MYO9A: variants seen among roughly 807,000 people sequenced by gnomAD.
MYO9A encodes the protein unconventional myosin-IXa.
In MYO9A, 103 loss-of-function variants were observed where a neutral mutation model predicts 293.3. That is an observed-to-expected ratio of 0.35 (90% CI 0.30 to 0.41). MYO9A has a LOEUF of 0.41. Among genes scored for constraint, MYO9A ranks in the 10% least tolerant of loss-of-function variants. MYO9A has a pLI of 1.00. For synonymous variants in MYO9A, 1,001 were observed against 1,035.7 expected, an observed-to-expected ratio of 0.97 and a Z score of 0.64; for missense variants, 2,685 against 3,033.0, an observed-to-expected ratio of 0.89 and a Z score of 2.69.
At chr15:72,052,968 A>G (rs2078611419) in intron 1 of MYO9A, among the ~76,000 whole-genome samples, 1 of 139,644 alleles carries the variant, frequency 7.2e-6, no homozygotes, top group Admixed American at 6.8e-5. Flanking sequence ...CCAGCCTGAA[A>G]AGTATCACCC....
At chr15:72,061,132 A>G (rs911136042) in intron 1 of MYO9A, among the ~76,000 whole-genome samples, 2 of 151,906 alleles carry the variant, frequency 1.3e-5, no homozygotes, top group Non-Finnish European at 2.9e-5. Flanking sequence ...GGATTTATCA[A>G]CTGCTGCCTA....
At chr15:72,031,128 A>T (rs1596421956) in intron 3 of MYO9A, among the ~76,000 whole-genome samples, 1 of 152,092 alleles carries the variant, frequency 6.6e-6, no homozygotes, top group South Asian at 2.1e-4. Flanking sequence ...TCATTCCAAA[A>T]CCATTCCTCC....
At chr15:71,963,217 G>A (rs958718588) in intron 13 of MYO9A, among the ~76,000 whole-genome samples, 1 of 152,036 alleles carries the variant, frequency 6.6e-6, no homozygotes, top group African/African-American at 2.4e-5. Context: ...CCAAGTAGCT[G>A]GGACTACAGG....
At chr15:71,851,414 C>A in intron 36 of MYO9A, 56 bp from the exon 37 acceptor site, 1 of 1,375,046 alleles carries the variant, frequency 7.3e-7, no homozygotes, top group Non-Finnish European at 1.0e-6. Context: ...TACAGTGTAT[C>A]TTCCTCCCAG....
chr15:71,962,760 A>C (rs2075776105), intron 13 of MYO9A, among the ~76,000 whole-genome samples: 1 of 152,242 alleles, frequency 6.6e-6, no homozygotes, highest in East Asian at 1.9e-4. Flanking sequence ...GCAGAAACTG[A>C]AACACCAGTC....
intron 1 of MYO9A, among the ~76,000 whole-genome samples, chr15:72,099,521 G>A (rs185019173): frequency 6.6e-6 from 1 of 150,986 alleles, no homozygotes. Flanking sequence ...AGAATCACTC[G>A]AGCCTGGGAG....
chr15:71,905,254 A>T (rs1194876279), intron 19 of MYO9A, among the ~76,000 whole-genome samples: 1 of 152,202 alleles, frequency 6.6e-6, no homozygotes, highest in Admixed American at 6.5e-5. Context: ...TTTTCAGAAC[A>T]ATCAAATATA....
At chr15:71,952,016 G>A (rs987230198) in intron 14 of MYO9A, 120 bp from the exon 15 acceptor site, 2 of 1,074,696 alleles carry the variant, frequency 1.9e-6, no homozygotes, top group Non-Finnish European at 2.5e-6. Context: ...GTATAAAAAT[G>A]TATCAAATAA....
chr15:72,062,938 C>T (rs1049165548), intron 1 of MYO9A, among the ~76,000 whole-genome samples: 1 of 152,188 alleles, frequency 6.6e-6, no homozygotes, highest in Non-Finnish European at 1.5e-5. Flanking sequence ...GGGAGGATCA[C>T]TTGAACCCAA....
At chr15:71,915,179 A>T (rs4776582) in intron 19 of MYO9A, among the ~76,000 whole-genome samples, 30,413 of 151,872 alleles carry the variant, frequency 0.2, 3,234 homozygotes, top group East Asian at 0.41. Flanking sequence ...ATAACCCATT[A>T]ATCTTTGCAT....
chr15:72,052,273 G>GCTGAACACTCATCAGGACAC (rs1475221028), intron 1 of MYO9A, among the ~76,000 whole-genome samples: 2 of 152,084 alleles, frequency 1.3e-5, no homozygotes, highest in Non-Finnish European at 2.9e-5. Flanking sequence ...TCTGCTGACA[G>GCTGAACACTCATCAGGACAC]CTGAACACTC....
chr15:72,117,576 C>A, intron 1 of MYO9A, 104 bp downstream of exon 1: 1 of 381,936 alleles, frequency 2.6e-6, no homozygotes, highest in East Asian at 3.7e-5. Flanking sequence ...CGCGGGGCGT[C>A]TCCGCTGGGA....
chr15:71,922,796 T>G (rs901071520), intron 18 of MYO9A, among the ~76,000 whole-genome samples: 6 of 152,238 alleles, frequency 3.9e-5, no homozygotes, highest in African/African-American at 1.4e-4. Flanking sequence ...TATCAAGCAC[T>G]AAATAATTGA....
At chr15:72,015,284 A>T (rs541278480) in intron 6 of MYO9A, among the ~76,000 whole-genome samples, 2 of 152,322 alleles carry the variant, frequency 1.3e-5, no homozygotes, top group South Asian at 4.1e-4. Flanking sequence ...TTACAAACTG[A>T]CAGATGGGTT....
intron 5 of MYO9A, among the ~76,000 whole-genome samples, chr15:72,020,529 A>G (rs2149199626): frequency 6.6e-6 from 1 of 152,306 alleles, no homozygotes; most frequent in East Asian, 1.9e-4. Flanking sequence ...AAAACATGCA[A>G]ATTAGGTTTC....
At chr15:72,079,201 TG>T (rs1193253696) in intron 1 of MYO9A, among the ~76,000 whole-genome samples, 1 of 151,950 alleles carries the variant, frequency 6.6e-6, no homozygotes, top group Admixed American at 6.6e-5. Flanking sequence ...GGGGAAACTG[TG>T]GGGGCAGGAG....
chr15:72,028,222 T>TAC (rs1596413285), intron 3 of MYO9A, among the ~76,000 whole-genome samples: 2 of 141,750 alleles, frequency 1.4e-5, no homozygotes. Context: ...TAAATAAATA[T>TAC]ATATATATAT....
chr15:71,965,332 CTTTTT>C (rs1431295950), intron 13 of MYO9A, among the ~76,000 whole-genome samples: 5 of 151,780 alleles, frequency 3.3e-5, no homozygotes, highest in East Asian at 1.9e-4. Flanking sequence ...ATAATTTTTT[CTTTTT>C]TAAGTTTTTT....
chr15:72,045,944 T>C lies in MYO9A; in HGVS notation c.620A>G (p.Gln207Arg). 2 of 1,614,126 alleles carry C rather than the reference T, an allele frequency of 1.2e-6. No individual in the cohort carries two copies. Among genetic ancestry groups the C allele is most frequent in the Admixed American group, 3.3e-5 (2 of 60,014 alleles). ...AATGTGGGGCTCAAGTTTTCCCAGT[T>C]GGTGGTTATCATACATTTTGACATA... ...PKYVKMYDNH[Q>R]LGKLEPHIYA... The change falls in exon 2 of 42, where the codon CAA becomes CGA. Residue 207 changes from glutamine to arginine, a missense_variant. Gln to Arg is a conservative substitution (Grantham distance 43). Around this residue, in one of 10 missense-constraint regions of MYO9A, gnomAD observed 289 missense variants for 456.8 expected, o/e 0.63. Coordinates refer to ENST00000356056, the MANE Select transcript of MYO9A (RefSeq NM_006901.4).
Sources: gnomAD v4.1 joint callset for allele counts (sites outside exome capture counted in the v4.1 genomes callset) on GRCh38, gnomAD v4.1.1 for gene constraint, gnomAD v4.1.1 regional missense constraint, MANE v1.5 for transcripts, NCBI Gene and HGNC (gene_info 2026-07-23, HGNC 2026-07-21) for gene names.